DYNC1I2: variants seen among roughly 807,000 people sequenced by gnomAD.
The protein encoded by DYNC1I2 is dynein cytoplasmic 1 intermediate chain 2.
DYNC1I2 carries 53 observed loss-of-function variants against 88.6 expected under a neutral mutation model. That is an observed-to-expected ratio of 0.60 (90% CI 0.48 to 0.75). The LOEUF is 0.75. Ranked by LOEUF, DYNC1I2 falls within the 30% of genes least tolerant of loss-of-function variation. The pLI is 0.00. For synonymous variants in DYNC1I2, 198 were observed against 254.6 expected, an observed-to-expected ratio of 0.78 and a Z score of 2.12; for missense variants, 458 against 766.6, an observed-to-expected ratio of 0.60 and a Z score of 4.75.
intron 15 of DYNC1I2, among the ~76,000 whole-genome samples, chr2:171,730,602 A>C (rs973722926): frequency 1.3e-5 from 2 of 152,220 alleles, no homozygotes; most frequent in African/African-American, 4.8e-5. Flanking sequence ...TTTATAATTA[A>C]AGTGCCTTAA....
chr2:171,714,145 T>G (rs1245911047), intron 6 of DYNC1I2, among the ~76,000 whole-genome samples: 1 of 152,134 alleles, frequency 6.6e-6, no homozygotes, highest in East Asian at 1.9e-4. Context: ...GACTTCTAGA[T>G]TACTTCAGAT....
chr2:171,709,913 C>T (rs1686977316), intron 5 of DYNC1I2, among the ~76,000 whole-genome samples: 1 of 152,044 alleles, frequency 6.6e-6, no homozygotes, highest in African/African-American at 2.4e-5. Context: ...GACAGGGTTT[C>T]ACCATGTTGG....
chr2:171,732,592 G>A lies in DYNC1I2; in HGVS notation c.1536+2739G>A, dbSNP rs113853052. Among the ~76,000 whole-genome samples, 972 of 152,288 alleles carry A rather than the reference G, an allele frequency of 6.4e-3. 9 individuals carry two copies. Among genetic ancestry groups the A allele is most frequent in the Non-Finnish European group, 0.01 (708 of 68,032 alleles). The stretch of plus-strand genomic sequence containing the variant: ...TCCAAGAACCTATAAATGATGTTAA[G>A]TGAGGACTTACTGTATTCTAAAATC... On this transcript the variant is annotated intron_variant, in intron 15 of 17. Transcript: ENST00000397119.
chr2:171,699,263 C>T (rs1282586141), intron 3 of DYNC1I2, among the ~76,000 whole-genome samples: 2 of 151,992 alleles, frequency 1.3e-5, no homozygotes, highest in African/African-American at 2.4e-5. Flanking sequence ...GCCGAGATCG[C>T]GCCATTGCAC....
At chr2:171,732,789 G>T (rs1255756781) in intron 15 of DYNC1I2, among the ~76,000 whole-genome samples, 2 of 152,190 alleles carry the variant, frequency 1.3e-5, no homozygotes, top group Non-Finnish European at 2.9e-5. Context: ...GTAATCCCAT[G>T]TATAGTCACA....
At chr2:171,700,476 A>C (rs1293697072) in intron 3 of DYNC1I2, among the ~76,000 whole-genome samples, 1 of 152,214 alleles carries the variant, frequency 6.6e-6, no homozygotes, top group Non-Finnish European at 1.5e-5. Flanking sequence ...CATTTAAAAA[A>C]ATCGTAGCCT....
chr2:171,741,515 T>G (rs556677012), intron 15 of DYNC1I2, among the ~76,000 whole-genome samples: 3 of 152,338 alleles, frequency 2.0e-5, no homozygotes, highest in African/African-American at 7.2e-5. Flanking sequence ...CTCTCACGAC[T>G]AATGATGTTG....
intron 5 of DYNC1I2, among the ~76,000 whole-genome samples, chr2:171,707,660 A>G (rs1332839738): frequency 5.3e-5 from 8 of 152,126 alleles, no homozygotes. Flanking sequence ...TAATGCTTTT[A>G]GATTTTTCTG....
At chr2:171,701,250 A>G (rs1046809930) in intron 3 of DYNC1I2, among the ~76,000 whole-genome samples, 1 of 152,074 alleles carries the variant, frequency 6.6e-6, no homozygotes, top group Non-Finnish European at 1.5e-5. Flanking sequence ...CAGTGGCACG[A>G]TCTCCACCTC....
At position 171,694,081 on chromosome 2, in the gene DYNC1I2, A is replaced by AG. The variant is rs1685580581; in HGVS notation, c.226+1189dup. Among the ~76,000 whole-genome samples the AG allele has an allele frequency of 2.0e-5, 3 of 149,346 alleles. No homozygotes were observed. The Admixed American group carries it at 2.0e-4, about 10-fold the overall frequency. On this transcript the variant is annotated intron_variant, in intron 3 of 17. Transcript: ENST00000397119. ...GAGGCTGAGTCTCACTCACTCTCCC[A>AG]GGCTGGAGTGCAGTGGCACAATCTC...
At chr2:171,747,269 C>T in intron 17 of DYNC1I2, among the ~76,000 whole-genome samples, 1 of 147,496 alleles carries the variant, frequency 6.8e-6, no homozygotes, top group East Asian at 2.0e-4. Flanking sequence ...CATCACAAGG[C>T]TCTTTTGCCA....
intron 11 of DYNC1I2, 127 bp downstream of exon 11, chr2:171,727,043 C>T: frequency 2.9e-6 from 3 of 1,047,952 alleles, no homozygotes. Context: ...TAAACCACTC[C>T]ATATTTGCAA....
Position 171,715,517 on chromosome 2 carries a change from G to T in DYNC1I2, c.511+74G>T. ...ACATAGATTCTTTTTTTCTTCCTTTGATTTTTGTTTTGTTTCTTTTTTGCT... is the reference window on the plus strand; with the variant it reads ...ACATAGATTCTTTTTTTCTTCCTTTTATTTTTGTTTTGTTTCTTTTTTGCT... On this transcript the variant is annotated intron_variant, in intron 7 of 17. Coordinates refer to ENST00000397119, the MANE Select transcript of DYNC1I2 (RefSeq NM_001378.3). The T allele has an allele frequency of 4.8e-6, 5 of 1,032,876 alleles. No homozygotes were observed. In the East Asian group the frequency reaches 8.2e-5, roughly 17 times the overall value. 64.0% of individuals were successfully genotyped at this position (1,032,876 alleles called of 1,614,324 possible).
At chr2:171,691,074 A>G (rs1396268536) in intron 2 of DYNC1I2, among the ~76,000 whole-genome samples, 1 of 152,220 alleles carries the variant, frequency 6.6e-6, no homozygotes, top group African/African-American at 2.4e-5. Flanking sequence ...AGAATGGATA[A>G]TATTAATGGC....
intron 3 of DYNC1I2, among the ~76,000 whole-genome samples, chr2:171,694,693 T>A (rs1434600907): frequency 6.6e-6 from 1 of 152,064 alleles, no homozygotes; most frequent in South Asian, 2.1e-4. Flanking sequence ...GGCTCATGGC[T>A]CTGCAAGCTT....
intron 1 of DYNC1I2, chr2:171,688,630 T>C (rs911195358): frequency 3.3e-5 from 5 of 152,200 alleles, no homozygotes; most frequent in Non-Finnish European, 5.9e-5. Flanking sequence ...TCTTGGAAGA[T>C]ATTGTGTATA....
At chr2:171,714,778 A>C (rs912341948) in intron 6 of DYNC1I2, among the ~76,000 whole-genome samples, 5 of 152,198 alleles carry the variant, frequency 3.3e-5, no homozygotes, top group Non-Finnish European at 7.4e-5. Context: ...CAGAGATTAG[A>C]GATTTAAAAG....
At chr2:171,705,312 A>G (rs1686595529) in intron 3 of DYNC1I2, among the ~76,000 whole-genome samples, 1 of 152,112 alleles carries the variant, frequency 6.6e-6, no homozygotes, top group Admixed American at 6.5e-5. Flanking sequence ...CAGTGGAGTC[A>G]TTGATACTTG....
Position 171,715,457 on chromosome 2 carries a change from C to T in DYNC1I2, c.511+14C>T, listed in dbSNP as rs777320335. On this transcript the variant is annotated intron_variant, in intron 7 of 17. Coordinates refer to ENST00000397119, the MANE Select transcript of DYNC1I2 (RefSeq NM_001378.3). ...AACCCAAAGAAGGTGAATATCTATC[C>T]TTAGTATAATTGTCATTGAGCACCT... is the stretch of plus-strand genomic sequence containing the variant. The T allele has an allele frequency of 6.7e-7, 1 of 1,493,506 alleles. No homozygotes were observed. The highest frequency in any genetic ancestry group is 9.2e-7 in the Non-Finnish European group (1 of 1,092,404). 92.5% of individuals were successfully genotyped at this position (1,493,506 alleles called of 1,614,324 possible). A position where few individuals can be genotyped will look rare whatever the true frequency, so the allele number is the denominator to read the frequency against.
Sources: gnomAD v4.1 joint callset for allele counts (sites outside exome capture counted in the v4.1 genomes callset) on GRCh38, gnomAD v4.1.1 for gene constraint, MANE v1.5 for transcripts, NCBI Gene and HGNC (gene_info 2026-07-23, HGNC 2026-07-21) for gene names.